MLLT10: variants seen among roughly 807,000 people sequenced by gnomAD.
MLLT10 encodes protein AF-10.
A neutral mutation model predicts 129.1 loss-of-function variants in MLLT10; 30 were observed. That is an observed-to-expected ratio of 0.23 (90% CI 0.17 to 0.32). The LOEUF (loss-of-function observed/expected upper bound fraction) is 0.32, where lower values mean the gene tolerates loss of function less well. Among genes scored for constraint, MLLT10 ranks in the 10% least tolerant of loss-of-function variants. The probability of loss-of-function intolerance (pLI) is 1.00; values close to 1 mark genes in which losing one functional copy is unlikely to be tolerated. For synonymous variants in MLLT10, 490 were observed against 446.4 expected (o/e 1.10, Z -1.23); for missense variants, 1,119 against 1,268.3 (o/e 0.88, Z 1.79).
intron 3 of MLLT10, among the ~76,000 whole-genome samples, chr10:21,543,800 G>T (rs557877766): frequency 6.6e-6 from 1 of 152,272 alleles, no homozygotes; most frequent in African/African-American, 2.4e-5. Context: ...ATTATGAAAG[G>T]CAGGGTCCTT....
At chr10:21,544,736 C>T (rs2035797703) in intron 3 of MLLT10, among the ~76,000 whole-genome samples, 1 of 152,122 alleles carries the variant, frequency 6.6e-6, no homozygotes, top group African/African-American at 2.4e-5. Context: ...AAGGTGCTCA[C>T]TCATTAATGG....
chr10:21,740,549 A>G (rs757221719), intron 22 of MLLT10, among the ~76,000 whole-genome samples: 1 of 152,250 alleles, frequency 6.6e-6, no homozygotes, highest in Non-Finnish European at 1.5e-5. Context: ...CTTTGTTTAT[A>G]GAACCAGTCT....
At chr10:21,569,990 A>C (rs1274897058) in intron 3 of MLLT10, among the ~76,000 whole-genome samples, 4 of 151,844 alleles carry the variant, frequency 2.6e-5, no homozygotes, top group Non-Finnish European at 5.9e-5. Flanking sequence ...GCTCATTGCA[A>C]TCTCTGCCTC....
At chr10:21,712,279 G>A (rs908401179) in intron 13 of MLLT10, among the ~76,000 whole-genome samples, 2 of 151,574 alleles carry the variant, frequency 1.3e-5, no homozygotes, top group African/African-American at 4.9e-5. Flanking sequence ...TACAATCACG[G>A]CATGGTTCAC....
intron 3 of MLLT10, among the ~76,000 whole-genome samples, chr10:21,550,732 A>C (rs983925154): frequency 6.6e-6 from 1 of 151,840 alleles, no homozygotes; most frequent in Non-Finnish European, 1.5e-5. Context: ...GGGGTTTCAC[A>C]TGTTGCCCAG....
intron 8 of MLLT10, among the ~76,000 whole-genome samples, chr10:21,651,039 G>GTTGTTTTGTTTTGTTTTGTT (rs57639142): frequency 9.6e-4 from 143 of 148,542 alleles, no homozygotes; most frequent in African/African-American, 3.1e-3. Flanking sequence ...TGGTGGTTGT[G>GTTGTTTTGTTTTGTTTTGTT]TTGTTTTGTT....
chr10:21,604,594 A>G (rs1000239357), intron 5 of MLLT10, among the ~76,000 whole-genome samples: 5 of 152,228 alleles, frequency 3.3e-5, no homozygotes, highest in African/African-American at 1.2e-4. Context: ...TTTAAAAAAA[A>G]TAATAATAAC....
At position 21,627,604 on chromosome 10, in the gene MLLT10, C is replaced by T. The variant is rs866943349; in HGVS notation, c.699+10397C>T. ...TATTTCAGGTTATCTGAGGTATTGCCTTCTGTCTTTCTTAGGTCTTAAAAA... is the reference window on the plus strand; with the variant it reads ...TATTTCAGGTTATCTGAGGTATTGCTTTCTGTCTTTCTTAGGTCTTAAAAA... On this transcript the variant is annotated intron_variant, in intron 8 of 22. Transcript: ENST00000307729. Among the ~76,000 whole-genome samples the T allele has an allele frequency of 2.0e-5, 3 of 152,146 alleles. No individual in the cohort carries two copies. The East Asian group carries it at 5.8e-4, about 29-fold the overall frequency.
intron 9 of MLLT10, chr10:21,668,900 C>A: frequency 8.4e-7 from 1 of 1,184,858 alleles, no homozygotes; most frequent in Non-Finnish European, 1.1e-6. Context: ...TCTTAGATGA[C>A]TTTTAAACTT....
intron 3 of MLLT10, among the ~76,000 whole-genome samples, chr10:21,581,268 C>T (rs1455595181): frequency 3.3e-5 from 5 of 151,982 alleles, no homozygotes; most frequent in East Asian, 1.9e-4. Flanking sequence ...AGGATGGTCT[C>T]GATCTCCTGA....
At chr10:21,739,587 A>G (rs1246304944) in intron 21 of MLLT10, among the ~76,000 whole-genome samples, 2 of 152,200 alleles carry the variant, frequency 1.3e-5, no homozygotes, top group African/African-American at 4.8e-5. Context: ...CCTAGTAAGC[A>G]CTCAGGAAAT....
intron 3 of MLLT10, among the ~76,000 whole-genome samples, chr10:21,557,975 AG>A (rs2038279344): frequency 8.4e-6 from 1 of 118,964 alleles, no homozygotes; most frequent in African/African-American, 3.4e-5. Flanking sequence ...TTGGAGACAG[AG>A]TCTCGCTCTT....
At chr10:21,694,723 C>T (rs971540722) in intron 13 of MLLT10, among the ~76,000 whole-genome samples, 6 of 152,208 alleles carry the variant, frequency 3.9e-5, no homozygotes, top group Non-Finnish European at 8.8e-5. Flanking sequence ...CCATTGCTGA[C>T]ATAACAAATT....
Position 21,704,548 on chromosome 10 carries a change from A to G in MLLT10, c.1700-9224A>G, listed in dbSNP as rs2055304911. Among the ~76,000 whole-genome samples the G allele has an allele frequency of 3.3e-5, 5 of 149,812 alleles. No individual in the cohort carries two copies. In the South Asian group the frequency reaches 8.4e-4, roughly 25 times the overall value. ...AATTATTTTTCCAATATTTTTAAAA[A>G]CTTTTTAATGGTATGTGTTCCTACG... On this transcript the variant is annotated intron_variant, in intron 13 of 22. Transcript: ENST00000307729.
intron 3 of MLLT10, among the ~76,000 whole-genome samples, chr10:21,544,280 A>C (rs772629284): frequency 3.9e-5 from 6 of 152,202 alleles, no homozygotes; most frequent in Non-Finnish European, 8.8e-5. Context: ...TCCTGTCTCA[A>C]AAGCGAGTAA....
intron 19 of MLLT10, 52 bp downstream of exon 19, chr10:21,733,644 G>A (rs2058127639): frequency 1.4e-6 from 2 of 1,459,412 alleles, no homozygotes; most frequent in African/African-American, 1.4e-5. Flanking sequence ...GTGAATAATA[G>A]TATATTAAAT....
intron 5 of MLLT10, among the ~76,000 whole-genome samples, chr10:21,602,789 C>T (rs1379215174): frequency 1.3e-5 from 2 of 150,920 alleles, no homozygotes; most frequent in Non-Finnish European, 2.9e-5. Context: ...AGTGCAGTGG[C>T]GCAATCTCGG....
chr10:21,666,299 T>C (rs1011974586), intron 9 of MLLT10, among the ~76,000 whole-genome samples: 40 of 152,218 alleles, frequency 2.6e-4, no homozygotes, highest in African/African-American at 9.2e-4. Flanking sequence ...TTATCACTTA[T>C]TGTTTTTTTA....
intron 5 of MLLT10, among the ~76,000 whole-genome samples, chr10:21,611,811 G>T (rs573365145): frequency 6.6e-6 from 1 of 152,244 alleles, no homozygotes; most frequent in South Asian, 2.1e-4. Context: ...TGTCAGCTTG[G>T]TGGGGCTGAA....
Sources: gnomAD v4.1 joint callset for allele counts (sites outside exome capture counted in the v4.1 genomes callset) on GRCh38, gnomAD v4.1.1 for gene constraint, MANE v1.5 for transcripts, NCBI Gene and HGNC (gene_info 2026-07-23, HGNC 2026-07-21) for gene names.